MTMR9: variants seen among roughly 807,000 people sequenced by gnomAD.
MTMR9 encodes myotubularin-related protein 9.
MTMR9 carries 39 observed loss-of-function variants against 69.5 expected under a neutral mutation model. The ratio of observed to expected loss-of-function variants is 0.56; its 90% CI spans 0.43 to 0.73. The LOEUF (loss-of-function observed/expected upper bound fraction) is 0.73. Ranked by LOEUF, MTMR9 falls within the 30% of genes least tolerant of loss-of-function variation. The probability of loss-of-function intolerance (pLI) is 0.00; values close to 1 mark genes in which losing one functional copy is unlikely to be tolerated. For synonymous variants in MTMR9, 354 were observed against 240.8 expected, an observed-to-expected ratio of 1.47 and a Z score of -4.35; for missense variants, 900 against 671.2, an observed-to-expected ratio of 1.34 and a Z score of -3.77.
chr8:11,331,516 C>T (rs1229093306), downstream of MTMR9: 10 of 1,613,916 alleles, frequency 6.2e-6, no homozygotes, highest in South Asian at 1.1e-5. Context: ...CGCAAAGGTT[C>T]TTCCACCGTA....
rs149073098 is a variant in MTMR9 at position 11,304,968 on chromosome 8, G to A, written c.545G>A (p.Gly182Glu). 8.4e-5 allele frequency: 135 copies of A among 1,614,088 alleles called. No homozygotes were observed. In the African/African-American group the frequency reaches 1.7e-3, roughly 20 times the overall value. The part of the protein sequence containing the change: ...ALRKVATFRH[G>E]GRFPVLSYYH... ...CGGAAGGTAGCTACATTTCGACATGGAGGGCGCTTCCCAGTACTAAGCTAT... is the reference window on the plus strand; with the variant it reads ...CGGAAGGTAGCTACATTTCGACATGAAGGGCGCTTCCCAGTACTAAGCTAT... Residue 182 changes from glycine to glutamate, a missense_variant, in exon 4 of 10, where the codon GGA becomes GAA. Physicochemically the swap from Gly to Glu is moderately conservative, Grantham distance 98. Coordinates refer to ENST00000221086, the MANE Select transcript of MTMR9 (RefSeq NM_015458.4).
intron 1 of MTMR9, among the ~76,000 whole-genome samples, chr8:11,293,043 T>G (rs1799422890): frequency 6.6e-6 from 1 of 152,224 alleles, no homozygotes; most frequent in African/African-American, 2.4e-5. Flanking sequence ...AGGCAAGTCC[T>G]TCAAGAATTA....
intron 6 of MTMR9, 43 bp from the exon 7 acceptor site, chr8:11,314,880 T>A (rs769091930): frequency 6.3e-7 from 1 of 1,598,412 alleles, no homozygotes; most frequent in Non-Finnish European, 8.6e-7. Context: ...ATTGACCATG[T>A]TGGACATTTC....
chr8:11,316,931 G>A (rs373000769), intron 8 of MTMR9, 38 bp downstream of exon 8: 30 of 1,423,020 alleles, frequency 2.1e-5, no homozygotes, highest in African/African-American at 7.2e-5. Context: ...TTCCTTTTCC[G>A]TTGTTTTGGC....
chr8:11,301,397 A>G (rs1409294545), intron 3 of MTMR9, among the ~76,000 whole-genome samples: 1 of 152,214 alleles, frequency 6.6e-6, no homozygotes, highest in East Asian at 1.9e-4. Flanking sequence ...ATACAATTCA[A>G]TTGGGAAAGG....
At chr8:11,291,829 G>C (rs1799388838) in intron 1 of MTMR9, among the ~76,000 whole-genome samples, 1 of 152,052 alleles carries the variant, frequency 6.6e-6, no homozygotes, top group African/African-American at 2.4e-5. Context: ...TGACAGTTTG[G>C]TTGCTGTGTG....
intron 6 of MTMR9, among the ~76,000 whole-genome samples, chr8:11,313,757 G>C (rs1036055910): frequency 6.6e-6 from 1 of 152,164 alleles, no homozygotes; most frequent in Non-Finnish European, 1.5e-5. Context: ...CGTGGTTCCT[G>C]ATGCCCCCAA....
At chr8:11,328,293 T>C, downstream of MTMR9, 1 of 152,084 alleles carries the variant, frequency 6.6e-6, no homozygotes, top group Non-Finnish European at 1.5e-5. Context: ...CTCCCTAGAT[T>C]GTTCCTATAT....
Position 11,285,041 on chromosome 8 carries a change from C to T in MTMR9, c.153C>T (p.Leu51=), listed in dbSNP as rs754972947. The T allele has an allele frequency of 7.4e-6, 12 of 1,611,092 alleles. No homozygotes were observed. The South Asian group carries it at 9.9e-5, about 13-fold the overall frequency. Reference sequence around the variant, plus strand: ...ACAATACGGAGGAGCTGTGGCTCCTCCATTCAAACATCGACGCCATCGACA... The same window carrying T: ...ACAATACGGAGGAGCTGTGGCTCCTTCATTCAAACATCGACGCCATCGACA... ...RQDNTEELWL[L]HSNIDAIDKR... is the part of the protein sequence containing the mutation. The change falls in exon 1 of 10, where the codon CTC becomes CTT. Residue 51 remains leucine (L), a synonymous_variant. Coordinates refer to ENST00000221086, the MANE Select transcript of MTMR9 (RefSeq NM_015458.4).
intron 2 of MTMR9, chr8:11,298,965 A>C: frequency 7.4e-6 from 5 of 677,260 alleles, no homozygotes; most frequent in Non-Finnish European, 9.1e-6. Flanking sequence ...ACATGACCAA[A>C]TGGCATATAC....
At chr8:11,295,343 A>G (rs1421261790) in intron 2 of MTMR9, 41 bp downstream of exon 2, 5 of 1,100,394 alleles carry the variant, frequency 4.5e-6, no homozygotes, top group South Asian at 1.3e-5. Context: ...ACATAATTTT[A>G]TATTATGACT....
intron 3 of MTMR9, among the ~76,000 whole-genome samples, chr8:11,301,194 G>A (rs1289270824): frequency 1.3e-5 from 2 of 152,116 alleles, no homozygotes; most frequent in Admixed American, 1.3e-4. Context: ...TTATGGAAAT[G>A]CAAATTTAAA....
At chr8:11,298,827 C>G (rs1031786801) in intron 2 of MTMR9, 4 of 984,044 alleles carry the variant, frequency 4.1e-6, no homozygotes, top group Non-Finnish European at 4.8e-6. Flanking sequence ...TTCCTCCCAT[C>G]TACTCAGGTT....
At position 11,285,007 on chromosome 8, in the gene MTMR9, C is replaced by G; in HGVS notation, c.119C>G (p.Ser40Cys). The G allele has an allele frequency of 6.2e-7, 1 of 1,613,548 alleles. No homozygotes were observed. Among genetic ancestry groups the G allele is most frequent in the Non-Finnish European group, 8.5e-7 (1 of 1,179,790 alleles). Residue 40 changes from serine (S) to cysteine (C), a missense_variant, in exon 1 of 10, where the codon TCC (serine) becomes TGC (cysteine). Coordinates refer to ENST00000221086, the MANE Select transcript of MTMR9 (RefSeq NM_015458.4). ...ACGGGCCACCACTTGATCCTGTCCT[C>G]CCGGCAGGACAATACGGAGGAGCTG... The part of the protein sequence containing the change: ...CLTGHHLILS[S>C]RQDNTEELWL...
downstream of MTMR9, chr8:11,331,506 C>T (rs151141565): frequency 6.6e-5 from 106 of 1,613,830 alleles, no homozygotes; most frequent in South Asian, 5.2e-4. Flanking sequence ...TGCCACTGTT[C>T]GCAAAGGTTC....
intron 9 of MTMR9, 87 bp from the exon 10 acceptor site, chr8:11,322,538 A>G: frequency 9.0e-7 from 1 of 1,115,242 alleles, no homozygotes; most frequent in Non-Finnish European, 1.3e-6. Flanking sequence ...AATGTATAAT[A>G]CATAAATTAC....
At chr8:11,322,546 T>TA in intron 9 of MTMR9, 79 bp from the exon 10 acceptor site, 1 of 1,232,764 alleles carries the variant, frequency 8.1e-7, no homozygotes, top group Non-Finnish European at 1.2e-6. Context: ...ATACATAAAT[T>TA]ACATCTTATC....
chr8:11,304,949 G>C lies in MTMR9; in HGVS notation c.526G>C (p.Val176Leu). ...CATCGATGATGAAGCTCTTCGGAAG[G>C]TAGCTACATTTCGACATGGAGGGCG... ...KSIDDEALRKVATFRHGGRFP... is the reference protein window; with the variant it reads ...KSIDDEALRKLATFRHGGRFP... Residue 176 changes from valine to leucine, a missense_variant, in exon 4 of 10, where the codon GTA becomes CTA. By Grantham distance (32) the Val-to-Leu change is conservative (BLOSUM62 1). Transcript: ENST00000221086. 6.2e-7 allele frequency: 1 copy of C among 1,614,094 alleles called. No individual in the cohort carries two copies. Among genetic ancestry groups the C allele is most frequent in the South Asian group, 1.1e-5 (1 of 91,084 alleles).
chr8:11,290,006 A>C (rs1246383199), intron 1 of MTMR9, among the ~76,000 whole-genome samples: 1 of 152,160 alleles, frequency 6.6e-6, no homozygotes, highest in African/African-American at 2.4e-5. Context: ...TGGCGCCATA[A>C]AGTAGGTGCG....
Sources: gnomAD v4.1 joint callset for allele counts (sites outside exome capture counted in the v4.1 genomes callset) on GRCh38, gnomAD v4.1.1 for gene constraint, MANE v1.5 for transcripts, NCBI Gene and HGNC (gene_info 2026-07-23, HGNC 2026-07-21) for gene names.